The following CPLANE2 variants were observed in gnomAD, a reference collection of about 807,000 sequenced individuals.
The protein encoded by CPLANE2 is ciliogenesis and planar polarity effector complex subunit 2.
Under a neutral mutation model 20.9 loss-of-function variants are expected in CPLANE2, and 24 were observed. The ratio of observed to expected loss-of-function variants is 1.15; its 90% CI spans 0.83 to 1.61. CPLANE2 has a LOEUF of 1.61. Ranked by LOEUF, CPLANE2 falls within the 40% of genes most tolerant of loss-of-function variation. CPLANE2 has a pLI of 0.00. For missense variants in CPLANE2, 330 were observed against 355.1 expected (o/e 0.93, Z 0.57); for synonymous variants, 132 against 144.3 (o/e 0.92, Z 0.61).
Position 16,232,961 on chromosome 1 carries a change from C to G in CPLANE2, c.322G>C (p.Val108Leu). ...TCCCAGAACTCAAAACGAAACATGA[C>G]GACACGGCTGCTGGCCTGCAGCTTG... ...PAKLQASSRV[V>L]MFRFEFWDCG... The change falls in exon 3 of 5, where the codon GTC becomes CTC. Residue 108 changes from valine to leucine, a missense_variant. Transcript: ENST00000375599. The G allele has an allele frequency of 6.2e-7, 1 of 1,614,178 alleles. No homozygotes were observed. Among genetic ancestry groups the G allele is most frequent in the Non-Finnish European group, 8.5e-7 (1 of 1,180,024 alleles).
intron 4 of CPLANE2, 32 bp downstream of exon 4, chr1:16,232,478 T>A: frequency 1.9e-6 from 3 of 1,609,798 alleles, no homozygotes; most frequent in Non-Finnish European, 2.5e-6. Context: ...ACCCCCTGGC[T>A]CCGTGACTTG....
intron 1 of CPLANE2, among the ~76,000 whole-genome samples, chr1:16,234,813 C>T (rs112823955): frequency 0.03 from 4,597 of 152,116 alleles, 222 homozygotes; most frequent in African/African-American, 0.1. Context: ...CTGCAACTTC[C>T]GCCTCCCGGG....
Position 16,233,637 on chromosome 1 carries a change from C to T in CPLANE2, c.240G>A (p.Val80=). 6.2e-7 allele frequency: 1 copy of T among 1,614,102 alleles called. No homozygotes were observed. Among genetic ancestry groups the T allele is most frequent in the South Asian group, 1.1e-5 (1 of 91,084 alleles). The change falls in exon 2 of 5, where the codon GTG becomes GTA. Residue 80 remains valine (V), a synonymous_variant. Transcript: ENST00000375599. ...ALVAKLAGLE[V]PVVHHETTGI... ...CGGTGGTCTCGTGGTGCACCACAGG[C>T]ACCTCCAGGCCAGCCAGCTTGGCCA...
At chr1:16,233,460 T>C (rs1371646299) in intron 2 of CPLANE2, 152 bp downstream of exon 2, 1 of 911,544 alleles carries the variant, frequency 1.1e-6, no homozygotes, top group Admixed American at 2.4e-5. Flanking sequence ...TGTGGTACTA[T>C]TATCCCCTTG....
chr1:16,232,159 A>C lies in CPLANE2; in HGVS notation c.666T>G (p.Ala222=). 1 of 1,613,242 alleles carries C rather than the reference A, an allele frequency of 6.2e-7. No individual in the cohort carries two copies. The highest frequency in any genetic ancestry group is 8.5e-7 in the Non-Finnish European group (1 of 1,179,940). Residue 222 remains alanine (A), a synonymous_variant, in exon 5 of 5, where the codon GCT becomes GCG. Coordinates refer to ENST00000375599, the MANE Select transcript of CPLANE2 (RefSeq NM_030907.4). ...GTATGTGGGCAACGTCGGCCAGCCC[A>C]GCCCGCCCGTCCAGTGTGCGCCCAT... ...LADGRTLDGR[A]GLADVAHILN...
chr1:16,236,697 G>A lies in CPLANE2; in HGVS notation c.46C>T (p.His16Tyr), dbSNP rs1330474818. 2 of 1,562,158 alleles carry A rather than the reference G, an allele frequency of 1.3e-6. No individual in the cohort carries two copies. The change falls in exon 1 of 5, where the codon CAC becomes TAC. Residue 16 changes from histidine (H) to tyrosine (Y), a missense_variant. His to Tyr is a moderately conservative substitution (Grantham distance 83). Transcript: ENST00000375599. ...VPGSVVVPNWHESAEGKEYLA... is the reference protein window; with the variant it reads ...VPGSVVVPNWYESAEGKEYLA... The stretch of plus-strand genomic sequence containing the variant: ...TACTCCTTGCCCTCGGCACTCTCGT[G>A]CCAGTTTGGGACAACCACCGAACCG...
At chr1:16,235,301 T>C (rs2081456259) in intron 1 of CPLANE2, among the ~76,000 whole-genome samples, 1 of 152,214 alleles carries the variant, frequency 6.6e-6, no homozygotes, top group Non-Finnish European at 1.5e-5. Flanking sequence ...ATCTGTGGCA[T>C]AGATAATATG....
rs766400721 is a variant in CPLANE2, at chr1:16,236,685, C to T, written c.58G>A (p.Glu20Lys). The part of the protein sequence containing the change: ...VVVPNWHESA[E>K]GKEYLACILR... Reference sequence around the variant, plus strand: ...ATGCAAGCCAGGTACTCCTTGCCCTCGGCACTCTCGTGCCAGTTTGGGACA... The same window carrying T: ...ATGCAAGCCAGGTACTCCTTGCCCTTGGCACTCTCGTGCCAGTTTGGGACA... The change falls in exon 1 of 5, where the codon GAG becomes AAG. Residue 20 changes from glutamate (E) to lysine (K), a missense_variant. Glu to Lys is a moderately conservative substitution (Grantham distance 56). Coordinates refer to ENST00000375599, the MANE Select transcript of CPLANE2 (RefSeq NM_030907.4). 4.5e-6 allele frequency: 7 copies of T among 1,562,864 alleles called. No homozygotes were observed. The highest frequency in any genetic ancestry group is 2.7e-5 in the African/African-American group (2 of 74,060).
Position 16,232,013 on chromosome 1 carries a change from G to C in CPLANE2, c.*35C>G. 6.3e-7 allele frequency: 1 copy of C among 1,586,476 alleles called. No individual in the cohort carries two copies. The highest frequency in any genetic ancestry group is 1.1e-5 in the South Asian group (1 of 89,344). ...CTCCAGCCCTATGTCGAGACCTGAGGGTTGGGGGTGGGATCACAGGCAACC... is the reference window on the plus strand; with the variant it reads ...CTCCAGCCCTATGTCGAGACCTGAGCGTTGGGGGTGGGATCACAGGCAACC... On this transcript the variant is annotated 3_prime_UTR_variant, in exon 5 of 5. Transcript: ENST00000375599.
At chr1:16,236,504 G>T in intron 1 of CPLANE2, 127 bp downstream of exon 1, 1 of 723,604 alleles carries the variant, frequency 1.4e-6, no homozygotes, top group Non-Finnish European at 2.4e-6. Flanking sequence ...GCTGAAGACT[G>T]CTGAAGACTG....
chr1:16,232,989 TG>T lies in CPLANE2; in HGVS notation c.293del (p.Pro98GlnfsTer64), dbSNP rs1347841551. On this transcript the variant is annotated frameshift_variant, in exon 3 of 5. Coordinates refer to ENST00000375599, the MANE Select transcript of CPLANE2 (RefSeq NM_030907.4). LOFTEE classifies it high-confidence loss of function. ...TGIQTTVVFWPAKLQASSRVV... is the reference protein window; with the variant it reads ...TGIQTTVVFWXAKLQASSRVV... ...CACGGCTGCTGGCCTGCAGCTTGGC[TG>T]GCCAAAATACCACGGTGGTCTGGAT... is the stretch of plus-strand genomic sequence containing the variant. 1.9e-6 allele frequency: 3 copies of T among 1,614,010 alleles called. No homozygotes were observed. The highest frequency in any genetic ancestry group is 2.5e-6 in the Non-Finnish European group (3 of 1,180,016).
rs371291409 is a variant in CPLANE2, at chr1:16,232,167, C to A, written c.658G>T (p.Gly220Trp). 17 of 1,613,220 alleles carry A rather than the reference C, an allele frequency of 1.1e-5. No individual in the cohort carries two copies. The highest frequency in any genetic ancestry group is 1.4e-5 in the Non-Finnish European group (17 of 1,179,952). Residue 220 changes from glycine (G) to tryptophan (W), a missense_variant, in exon 5 of 5, where the codon GGG becomes TGG. By Grantham distance (184) the Gly-to-Trp change is radical (BLOSUM62 -2). Transcript: ENST00000375599. ...RRLADGRTLD[G>W]RAGLADVAHI... The stretch of plus-strand genomic sequence containing the variant: ...GCAACGTCGGCCAGCCCAGCCCGCC[C>A]GTCCAGTGTGCGCCCATCAGCCAGC...
In CPLANE2 at chr1:16,236,923, G is replaced by C; in HGVS notation, c.-181C>G. 1 of 612,858 alleles carries C rather than the reference G, an allele frequency of 1.6e-6. No homozygotes were observed. Among genetic ancestry groups the C allele is most frequent in the Non-Finnish European group, 3.0e-6 (1 of 336,978 alleles). The allele number at this position is 612,858 out of a possible 1,614,324, so 38.0% of individuals were successfully genotyped here. A position where few individuals can be genotyped will look rare whatever the true frequency, so the allele number is the denominator to read the frequency against. On this transcript the variant is annotated 5_prime_UTR_variant, in exon 1 of 5. Coordinates refer to ENST00000375599, the MANE Select transcript of CPLANE2 (RefSeq NM_030907.4). Reference sequence around the variant, plus strand: ...TCCTTCGCAATGCTCCCTGGGGATAGTCATCCCATTACTGCCCATGGAGGG... The same window carrying C: ...TCCTTCGCAATGCTCCCTGGGGATACTCATCCCATTACTGCCCATGGAGGG...
In CPLANE2 at chr1:16,236,941, A is replaced by G; in HGVS notation, c.-199T>C. 1.7e-6 allele frequency: 1 copy of G among 587,138 alleles called. No homozygotes were observed. The highest frequency in any genetic ancestry group is 1.9e-5 in the South Asian group (1 of 52,030). 36.4% of individuals were successfully genotyped at this position (587,138 alleles called of 1,614,324 possible). A position where few individuals can be genotyped will look rare whatever the true frequency, so the allele number is the denominator to read the frequency against. ...GGGGATAGTCATCCCATTACTGCCC[A>G]TGGAGGGTATTCACACAGCCCCTCT... On this transcript the variant is annotated 5_prime_UTR_variant, in exon 1 of 5. The change abolishes an upstream ATG in the 5' untranslated region. Transcript: ENST00000375599.
In CPLANE2 at chr1:16,232,223, A is replaced by C; in HGVS notation, c.602T>G (p.Leu201Arg). 6.2e-7 allele frequency: 1 copy of C among 1,612,340 alleles called. No homozygotes were observed. Among genetic ancestry groups the C allele is most frequent in the Non-Finnish European group, 8.5e-7 (1 of 1,179,872 alleles). Residue 201 changes from leucine to arginine, a missense_variant, in exon 5 of 5, where the codon CTG (leucine) becomes CGG (arginine). Leu to Arg is a moderately radical substitution (Grantham distance 102, BLOSUM62 -2). Transcript: ENST00000375599. The part of the protein sequence containing the change: ...TAFRQAWELP[L>R]LRVKSVPGRR... ...CCCCGGCACACTCTTCACCCGTAGCAGGGGCAGCTCCCAGGCCTGCCGGAA... is the reference window on the plus strand; with the variant it reads ...CCCCGGCACACTCTTCACCCGTAGCCGGGGCAGCTCCCAGGCCTGCCGGAA...
chr1:16,232,352 C>A (rs189087292), intron 4 of CPLANE2, 55 bp from the exon 5 acceptor site: 7 of 1,540,836 alleles, frequency 4.5e-6, no homozygotes, highest in African/African-American at 1.4e-5. Flanking sequence ...CCCCATCAGA[C>A]CCTGCCTCTC....
At chr1:16,233,828 T>A in intron 1 of CPLANE2, 64 bp from the exon 2 acceptor site, 1 of 1,587,934 alleles carries the variant, frequency 6.3e-7, no homozygotes, top group East Asian at 2.2e-5. Context: ...TCCCCCAGAG[T>A]TCATGTGTTG....
intron 1 of CPLANE2, among the ~76,000 whole-genome samples, chr1:16,234,291 C>A (rs1209324984): frequency 6.6e-6 from 1 of 152,100 alleles, no homozygotes; most frequent in East Asian, 1.9e-4. Context: ...ATAATCCCAG[C>A]TTCTTGGGAG....
At chr1:16,235,181 G>A (rs995439093) in intron 1 of CPLANE2, among the ~76,000 whole-genome samples, 2 of 152,090 alleles carry the variant, frequency 1.3e-5, no homozygotes, top group Non-Finnish European at 2.9e-5. Context: ...ATACATTCAG[G>A]TGCATAAACC....
Sources: allele counts gnomAD v4.1 joint callset (sites outside exome capture counted in the v4.1 genomes callset), GRCh38; gene constraint gnomAD v4.1.1; transcripts MANE v1.5; gene names NCBI Gene and HGNC (gene_info 2026-07-23, HGNC 2026-07-21).